Variants in CYFIP2 observed in about 807,000 individuals in gnomAD.
CYFIP2 encodes the protein cytoplasmic FMR1 interacting protein 2, also known as cytoplasmic FMR1-interacting protein 2.
Under a neutral mutation model 158.7 loss-of-function variants are expected in CYFIP2, and 29 were observed. The observed-to-expected ratio is 0.18, with a 90% CI of 0.14 to 0.25. The LOEUF (loss-of-function observed/expected upper bound fraction) is 0.25. Among genes scored for constraint, CYFIP2 ranks in the 10% least tolerant of loss-of-function variants. CYFIP2 has a pLI of 1.00. For missense variants in CYFIP2, 852 were observed against 1,639.5 expected, an observed-to-expected ratio of 0.52 and a Z score of 8.29; for synonymous variants, 585 against 617.6, an observed-to-expected ratio of 0.95 and a Z score of 0.78.
At chr5:157,314,773 T>C (rs1760007394) in intron 12 of CYFIP2, among the ~76,000 whole-genome samples, 196 bp from the exon 13 acceptor site, 2 of 152,226 alleles carry the variant, frequency 1.3e-5, no homozygotes, top group Non-Finnish European at 2.9e-5. Flanking sequence ...TTCACATAAA[T>C]AGAATCATAT....
In CYFIP2 at chr5:157,393,192, C is replaced by A; in HGVS notation, c.*192C>A. 8 of 419,540 alleles carry A rather than the reference C, an allele frequency of 1.9e-5. No homozygotes were observed. Among genetic ancestry groups the A allele is most frequent in the Admixed American group, 4.3e-5 (1 of 23,136 alleles). The allele number at this position is 419,540 out of a possible 1,614,324, so 26.0% of individuals were successfully genotyped here. On this transcript the variant is annotated 3_prime_UTR_variant, in exon 31 of 31. Coordinates refer to ENST00000620254, the MANE Select transcript of CYFIP2 (RefSeq NM_001037333.3). ...TCCCATGACATCTCCATGCTGGTTTCTCCATAGCATAAATGAAAAAAAAAA... is the reference window on the plus strand; with the variant it reads ...TCCCATGACATCTCCATGCTGGTTTATCCATAGCATAAATGAAAAAAAAAA...
At chr5:157,334,188 A>G (rs973959756) in intron 21 of CYFIP2, among the ~76,000 whole-genome samples, 3 of 152,218 alleles carry the variant, frequency 2.0e-5, no homozygotes, top group African/African-American at 4.8e-5. Flanking sequence ...AAAATACTGC[A>G]TGATTTCTCT....
chr5:157,323,836 AATACAT>A, intron 15 of CYFIP2, 79 bp from the exon 16 acceptor site: 1 of 1,390,080 alleles, frequency 7.2e-7, no homozygotes, highest in Non-Finnish European at 9.4e-7. Context: ...GAAAAAAAAA[AATACAT>A]AAATACAACA....
At chr5:157,325,933 G>A (rs1760987833) in intron 17 of CYFIP2, 2 of 557,468 alleles carry the variant, frequency 3.6e-6, no homozygotes, top group Admixed American at 6.5e-5. Flanking sequence ...TACCTGATGT[G>A]TTTTAGTCCC....
Position 157,354,468 on chromosome 5 carries a change from T to C in CYFIP2, c.2674-4537T>C, listed in dbSNP as rs949739110. Among the ~76,000 whole-genome samples the C allele has an allele frequency of 4.6e-5, 7 of 152,138 alleles. No homozygotes were observed. The East Asian group carries it at 1.3e-3, about 29-fold the overall frequency. On this transcript the variant is annotated intron_variant, in intron 23 of 30. Coordinates refer to ENST00000620254, the MANE Select transcript of CYFIP2 (RefSeq NM_001037333.3). Reference sequence around the variant, plus strand: ...TTTCTCAATAGGGCCCAGCCTCCTATTGAGCCAGCAGGTCAGATGGGTGCC... The same window carrying C: ...TTTCTCAATAGGGCCCAGCCTCCTACTGAGCCAGCAGGTCAGATGGGTGCC...
chr5:157,292,562 G>A, intron 3 of CYFIP2, among the ~76,000 whole-genome samples: 1 of 152,174 alleles, frequency 6.6e-6, no homozygotes. Flanking sequence ...GCGTGTATTG[G>A]TAGTTCGTTA....
chr5:157,336,503 C>T (rs1051957262), intron 21 of CYFIP2, among the ~76,000 whole-genome samples: 2 of 152,256 alleles, frequency 1.3e-5, no homozygotes, highest in Non-Finnish European at 2.9e-5. Context: ...GCCACAGCCT[C>T]AGTGGCAGGC....
intron 1 of CYFIP2, among the ~76,000 whole-genome samples, chr5:157,272,587 T>G (rs1756198487): frequency 6.6e-6 from 1 of 152,226 alleles, no homozygotes. Flanking sequence ...CTTACACTGC[T>G]GTTTCTCGAT....
intron 23 of CYFIP2, among the ~76,000 whole-genome samples, chr5:157,344,902 A>T (rs1234564714): frequency 6.6e-6 from 1 of 152,166 alleles, no homozygotes; most frequent in Non-Finnish European, 1.5e-5. Flanking sequence ...CCAGGAGTGG[A>T]GCTGCAGAAA....
In CYFIP2 at chr5:157,338,602, T is replaced by A. The variant is rs540749677; in HGVS notation, c.2386-455T>A. Among the ~76,000 whole-genome samples the A allele has an allele frequency of 5.3e-5, 8 of 152,064 alleles. No individual in the cohort carries two copies. In the South Asian group the frequency reaches 1.7e-3, roughly 31 times the overall value. On this transcript the variant is annotated intron_variant, in intron 21 of 30. Transcript: ENST00000620254. ...ATAAAACTGGCACATACTAATTTGG[T>A]TGAACCAGGCAAAATTGCCAATATT...
At chr5:157,281,170 T>C (rs567774905) in intron 1 of CYFIP2, among the ~76,000 whole-genome samples, 99 of 152,362 alleles carry the variant, frequency 6.5e-4, no homozygotes, top group African/African-American at 2.1e-3. Flanking sequence ...TTATATTTCC[T>C]GTGAGTTGGC....
intron 28 of CYFIP2, 169 bp downstream of exon 28, chr5:157,383,528 G>T: frequency 1.7e-6 from 1 of 586,702 alleles, no homozygotes; most frequent in Non-Finnish European, 3.0e-6. Context: ...TCTGGAATGA[G>T]ATTTGCTGAC....
intron 26 of CYFIP2, among the ~76,000 whole-genome samples, chr5:157,372,056 G>T (rs1409400701): frequency 6.6e-6 from 1 of 152,162 alleles, no homozygotes; most frequent in Non-Finnish European, 1.5e-5. Context: ...TCTCCAAGGA[G>T]GGATCGTTGA....
At chr5:157,334,373 C>T (rs531004086) in intron 21 of CYFIP2, among the ~76,000 whole-genome samples, 1 of 152,282 alleles carries the variant, frequency 6.6e-6, no homozygotes, top group South Asian at 2.1e-4. Context: ...TGCCGCAGTA[C>T]ACCTACAAAT....
intron 23 of CYFIP2, among the ~76,000 whole-genome samples, chr5:157,351,659 C>G (rs1336754653): frequency 6.6e-6 from 1 of 152,172 alleles, no homozygotes; most frequent in Non-Finnish European, 1.5e-5. Flanking sequence ...GGCCTGTTGG[C>G]CACTAGAGCT....
intron 1 of CYFIP2, among the ~76,000 whole-genome samples, chr5:157,271,796 C>T (rs888347997): frequency 5.3e-5 from 8 of 152,152 alleles, no homozygotes; most frequent in African/African-American, 1.9e-4. Context: ...AGCTGAGTTC[C>T]ACGTGCTCCG....
chr5:157,274,417 T>C (rs947842241), intron 1 of CYFIP2, among the ~76,000 whole-genome samples: 2 of 152,258 alleles, frequency 1.3e-5, no homozygotes, highest in Non-Finnish European at 2.9e-5. Context: ...ATATCAGTAC[T>C]TAATTACTTT....
chr5:157,277,868 GC>G (rs888072499), intron 1 of CYFIP2, among the ~76,000 whole-genome samples: 1 of 152,166 alleles, frequency 6.6e-6, no homozygotes. Flanking sequence ...GGATGGCATA[GC>G]CTACTACACA....
intron 24 of CYFIP2, 35 bp downstream of exon 24, chr5:157,359,183 C>T (rs746761382): frequency 1.2e-6 from 2 of 1,609,234 alleles, no homozygotes; most frequent in African/African-American, 1.3e-5. Context: ...TGAGATATGC[C>T]CATGTGGGTT....
Sources: allele counts gnomAD v4.1 joint callset (sites outside exome capture counted in the v4.1 genomes callset), GRCh38; gene constraint gnomAD v4.1.1; transcripts MANE v1.5; gene names NCBI Gene and HGNC (gene_info 2026-07-23, HGNC 2026-07-21).